NCAM2: variants seen among roughly 807,000 people sequenced by gnomAD.
NCAM2 encodes the protein neural cell adhesion molecule 2.
Under a neutral mutation model 98.1 loss-of-function variants are expected in NCAM2, and 30 were observed. That is an observed-to-expected ratio of 0.31 (90% CI 0.23 to 0.41). The LOEUF is 0.41. Among genes scored for constraint, NCAM2 ranks in the 10% least tolerant of loss-of-function variants. NCAM2 has a pLI of 1.00. For missense variants in NCAM2, 867 were observed against 1,005.8 expected (o/e 0.86, Z 1.87); for synonymous variants, 368 against 342.4 (o/e 1.07, Z -0.83).
chr21:21,408,255 C>CA (rs2076783240), intron 9 of NCAM2, among the ~76,000 whole-genome samples: 1 of 152,046 alleles, frequency 6.6e-6, no homozygotes, highest in Non-Finnish European at 1.5e-5. Context: ...CTTTTGAACT[C>CA]AGTCAGTTGA....
At chr21:21,468,029 T>C (rs1983951479) in intron 13 of NCAM2, among the ~76,000 whole-genome samples, 1 of 152,028 alleles carries the variant, frequency 6.6e-6, no homozygotes, top group Non-Finnish European at 1.5e-5. Context: ...CCCTGTTCTA[T>C]TCAAAACAAT....
intron 1 of NCAM2, among the ~76,000 whole-genome samples, chr21:21,263,768 A>T (rs936953701): frequency 6.6e-6 from 1 of 152,156 alleles, no homozygotes; most frequent in Non-Finnish European, 1.5e-5. Flanking sequence ...AAGGATGGCT[A>T]TTCAATAAAT....
At chr21:21,033,354 A>G (rs905959294) in intron 1 of NCAM2, among the ~76,000 whole-genome samples, 15 of 152,290 alleles carry the variant, frequency 9.8e-5, no homozygotes, top group Middle Eastern at 3.4e-3. Flanking sequence ...AACTTTGATA[A>G]TTTAAGTCTA....
At chr21:21,146,465 G>T (rs1403506362) in intron 1 of NCAM2, among the ~76,000 whole-genome samples, 1 of 150,410 alleles carries the variant, frequency 6.6e-6, no homozygotes, top group Non-Finnish European at 1.5e-5. Context: ...GCATTTTCCA[G>T]AGAAACAGAA....
intron 1 of NCAM2, among the ~76,000 whole-genome samples, chr21:21,133,851 A>G (rs2066986227): frequency 6.6e-6 from 1 of 152,184 alleles, no homozygotes; most frequent in Admixed American, 6.5e-5. Context: ...CAGGATACCC[A>G]TAGAGAAAAC....
intron 8 of NCAM2, among the ~76,000 whole-genome samples, chr21:21,360,184 T>A (rs1047887883): frequency 6.6e-6 from 1 of 151,958 alleles, no homozygotes; most frequent in Non-Finnish European, 1.5e-5. Context: ...GAATCCATTA[T>A]AACAAAAATT....
chr21:21,458,261 G>A (rs1455278777), intron 12 of NCAM2, among the ~76,000 whole-genome samples: 1 of 152,238 alleles, frequency 6.6e-6, no homozygotes, highest in African/African-American at 2.4e-5. Context: ...AACATAGGCA[G>A]CAAACTTTGG....
chr21:21,198,546 C>T (rs1433298153), intron 1 of NCAM2, among the ~76,000 whole-genome samples: 1 of 152,088 alleles, frequency 6.6e-6, no homozygotes, highest in Admixed American at 6.6e-5. Context: ...TAAAATGAAG[C>T]ATTGACTATC....
At chr21:21,440,122 A>G (rs942205144) in intron 12 of NCAM2, among the ~76,000 whole-genome samples, 5 of 152,222 alleles carry the variant, frequency 3.3e-5, no homozygotes, top group South Asian at 2.1e-4. Flanking sequence ...TTTCATGCTT[A>G]CATATTTCTA....
At chr21:21,129,345 A>G (rs1311802625) in intron 1 of NCAM2, among the ~76,000 whole-genome samples, 1 of 152,208 alleles carries the variant, frequency 6.6e-6, no homozygotes, top group Non-Finnish European at 1.5e-5. Flanking sequence ...CAACACATCC[A>G]AATGTCTTAT....
At chr21:21,083,121 A>G (rs2146415065) in intron 1 of NCAM2, among the ~76,000 whole-genome samples, 1 of 152,308 alleles carries the variant, frequency 6.6e-6, no homozygotes, top group Non-Finnish European at 1.5e-5. Context: ...AGTAGTAGTA[A>G]CAACAGCAAG....
At chr21:21,520,075 G>A (rs1479219750) in intron 16 of NCAM2, among the ~76,000 whole-genome samples, 1 of 151,886 alleles carries the variant, frequency 6.6e-6, no homozygotes, top group Non-Finnish European at 1.5e-5. Context: ...TTATCAAAAT[G>A]ACTAATAATA....
At chr21:21,249,842 T>C (rs1229961328) in intron 1 of NCAM2, among the ~76,000 whole-genome samples, 1 of 152,218 alleles carries the variant, frequency 6.6e-6, no homozygotes, top group Non-Finnish European at 1.5e-5. Flanking sequence ...TTTGAATCTA[T>C]GAATTTTTCT....
At chr21:20,998,685 A>C in intron 1 of NCAM2, 67 bp downstream of exon 1, 1 of 1,396,620 alleles carries the variant, frequency 7.2e-7, no homozygotes. Context: ...AGAGGCAAAG[A>C]GGGAGGCGCA....
intron 1 of NCAM2, among the ~76,000 whole-genome samples, chr21:21,226,262 A>G (rs984668309): frequency 1.3e-5 from 2 of 152,000 alleles, no homozygotes; most frequent in Non-Finnish European, 2.9e-5. Flanking sequence ...GCATCCTACA[A>G]AATACCCATA....
intron 1 of NCAM2, among the ~76,000 whole-genome samples, chr21:21,044,423 G>A (rs1480494047): frequency 6.6e-6 from 1 of 152,084 alleles, no homozygotes; most frequent in Non-Finnish European, 1.5e-5. Flanking sequence ...CCTCTTTGCT[G>A]CAATATTTAA....
At chr21:21,151,344 ATGT>A (rs2067443192) in intron 1 of NCAM2, among the ~76,000 whole-genome samples, 2 of 152,088 alleles carry the variant, frequency 1.3e-5, no homozygotes, top group South Asian at 4.1e-4. Context: ...AACATGTGCC[ATGT>A]TGGTGTGCTG....
Position 21,023,140 on chromosome 21 carries a change from G to A in NCAM2, c.55+24522G>A, listed in dbSNP as rs186651199. On this transcript the variant is annotated intron_variant, in intron 1 of 17. Transcript: ENST00000400546. ...TGGCTGTTTTACTCCATTGAAAGTT[G>A]CATTTAATTTTGAGTTGACTGAGAA... Among the ~76,000 whole-genome samples the A allele has an allele frequency of 3.3e-5, 5 of 152,220 alleles. No homozygotes were observed. In the East Asian group the frequency reaches 7.7e-4, roughly 23 times the overall value.
chr21:21,249,987 A>C (rs1276950159), intron 1 of NCAM2, among the ~76,000 whole-genome samples: 1 of 152,196 alleles, frequency 6.6e-6, no homozygotes, highest in Non-Finnish European at 1.5e-5. Flanking sequence ...GAATGATTTC[A>C]AGAACCACTG....
Sources: allele counts gnomAD v4.1 joint callset (sites outside exome capture counted in the v4.1 genomes callset), GRCh38; gene constraint gnomAD v4.1.1; transcripts MANE v1.5; gene names NCBI Gene and HGNC (gene_info 2026-07-23, HGNC 2026-07-21).